Variants in ERI1 observed in about 807,000 individuals in gnomAD.
The protein encoded by ERI1 is exoribonuclease 1, also known as 3'-5' exoribonuclease 1.
In ERI1, 39 loss-of-function variants were observed where a neutral mutation model predicts 39.7. The ratio of observed to expected loss-of-function variants is 0.98; its 90% CI spans 0.76 to 1.28. The LOEUF (loss-of-function observed/expected upper bound fraction) is 1.28. Ranked by LOEUF, ERI1 falls within the 50% of genes most tolerant of loss-of-function variation. The probability of loss-of-function intolerance (pLI) is 0.00; values close to 1 mark genes in which losing one functional copy is unlikely to be tolerated. For missense variants in ERI1, 581 were observed against 416.9 expected, an observed-to-expected ratio of 1.39 and a Z score of -3.43; for synonymous variants, 204 against 149.6, an observed-to-expected ratio of 1.36 and a Z score of -2.65.
At chr8:9,040,051 A>G (rs1423773904) in intron 3 of ERI1, among the ~76,000 whole-genome samples, 1 of 152,122 alleles carries the variant, frequency 6.6e-6, no homozygotes, top group African/African-American at 2.4e-5. Context: ...CTTCCAGTCA[A>G]TGATTGTTCT....
rs189764152 is a variant in ERI1, at chr8:9,011,201, G to T, written c.288-341G>T. On this transcript the variant is annotated intron_variant, in intron 2 of 6. Coordinates refer to ENST00000250263, the MANE Select transcript of ERI1 (RefSeq NM_153332.4). ...TAATTTCAATGTTTGTATCATATAT[G>T]TTATCTTAGTATATAAGGCAGTATG... Among the ~76,000 whole-genome samples the T allele has an allele frequency of 2.4e-3, 360 of 152,202 alleles. 2 individuals are homozygous for T. The highest frequency in any genetic ancestry group is 5.0e-3 in the Admixed American group (76 of 15,282).
chr8:9,009,544 A>C (rs182109343), intron 2 of ERI1, among the ~76,000 whole-genome samples: 1 of 152,130 alleles, frequency 6.6e-6, no homozygotes, highest in South Asian at 2.1e-4. Flanking sequence ...CATGCCTTTT[A>C]TTTTTTATTT....
chr8:9,018,070 G>A lies in ERI1; in HGVS notation c.583-227G>A, dbSNP rs139372410. Among the ~76,000 whole-genome samples the A allele has an allele frequency of 3.6e-4, 55 of 152,272 alleles. 1 individual carries two copies. Among genetic ancestry groups the A allele is most frequent in the Middle Eastern group, 6.8e-3 (2 of 294 alleles). ...GGGGATGATCTTAAATCTTAATTTT[G>A]GGAGGATTATACTTTTCAGTTGAAA... On this transcript the variant is annotated intron_variant, in intron 4 of 6. Transcript: ENST00000250263.
intron 3 of ERI1, among the ~76,000 whole-genome samples, chr8:9,090,179 C>T (rs114043582): frequency 0.011 from 1,601 of 152,214 alleles, 29 homozygotes; most frequent in African/African-American, 0.037. Context: ...AGGACACTTG[C>T]TTGACCCAAT....
chr8:9,010,587 A>G lies in ERI1; in HGVS notation c.288-955A>G, dbSNP rs534750113. On this transcript the variant is annotated intron_variant, in intron 2 of 6. Coordinates refer to ENST00000250263, the MANE Select transcript of ERI1 (RefSeq NM_153332.4). ...CTAAAAAGGTTTTTTTTAAATAGTC[A>G]TTAATCAGTTAACATGATACTTTAC... Among the ~76,000 whole-genome samples, 86 of 152,038 alleles carry G rather than the reference A, an allele frequency of 5.7e-4. 1 individual carries two copies. The highest frequency in any genetic ancestry group is 2.0e-3 in the African/African-American group (83 of 41,322).
intron 3 of ERI1, among the ~76,000 whole-genome samples, chr8:9,087,240 A>G (rs867661847): frequency 1.0e-4 from 15 of 150,128 alleles, no homozygotes; most frequent in Middle Eastern, 6.9e-3. Context: ...TTTTTAAATT[A>G]TATTTATTAT....
intron 3 of ERI1, among the ~76,000 whole-genome samples, chr8:9,040,744 TGTTA>T (rs775837620): frequency 8.6e-5 from 13 of 151,210 alleles, no homozygotes; most frequent in South Asian, 4.2e-4. Flanking sequence ...GGGGGGTGTG[TGTTA>T]GTTCACATTT....
At chr8:9,077,932 C>T (rs1799258298) in intron 3 of ERI1, among the ~76,000 whole-genome samples, 1 of 152,242 alleles carries the variant, frequency 6.6e-6, no homozygotes, top group South Asian at 2.1e-4. Context: ...TGCTTTCTTC[C>T]TGTGTTCCCA....
intron 3 of ERI1, among the ~76,000 whole-genome samples, chr8:9,046,149 G>A (rs1441094147): frequency 6.6e-6 from 1 of 152,232 alleles, no homozygotes; most frequent in Non-Finnish European, 1.5e-5. Context: ...GAGGACCGCT[G>A]CTGGGCCATC....
At chr8:9,086,322 G>A (rs1799524600) in intron 3 of ERI1, among the ~76,000 whole-genome samples, 1 of 152,154 alleles carries the variant, frequency 6.6e-6, no homozygotes, top group African/African-American at 2.4e-5. Context: ...GACTGAGGTG[G>A]GAGGATAACT....
At chr8:9,073,044 AT>A (rs1241183707) in intron 3 of ERI1, among the ~76,000 whole-genome samples, 1 of 151,976 alleles carries the variant, frequency 6.6e-6, no homozygotes, top group African/African-American at 2.4e-5. Context: ...GGCCTTCAGG[AT>A]TTTTTTATTT....
chr8:9,018,234 A>G, intron 4 of ERI1, 63 bp from the exon 5 acceptor site: 6 of 863,098 alleles, frequency 7.0e-6, no homozygotes, highest in Non-Finnish European at 7.4e-6. Flanking sequence ...AGGTCTGGGT[A>G]TTTTGTAGGT....
At chr8:9,013,324 TAAAA>T (rs34377572) in intron 3 of ERI1, among the ~76,000 whole-genome samples, 3 of 137,470 alleles carry the variant, frequency 2.2e-5, no homozygotes, top group Non-Finnish European at 3.1e-5. Flanking sequence ...CATTCTCACT[TAAAA>T]AAAAAAAAAA....
At chr8:9,003,225 C>T in intron 1 of ERI1, 54 bp downstream of exon 1, 4 of 1,108,720 alleles carry the variant, frequency 3.6e-6, no homozygotes, top group Non-Finnish European at 4.6e-6. Context: ...GTCCCCAAAG[C>T]GCCCTCGGCA....
At chr8:9,022,247 GC>G (rs1417976326) in intron 6 of ERI1, among the ~76,000 whole-genome samples, 1 of 151,870 alleles carries the variant, frequency 6.6e-6, no homozygotes, top group Non-Finnish European at 1.5e-5. Flanking sequence ...TTGCTTTTTT[GC>G]GAACCCCTTA....
chr8:9,092,463 G>A (rs1327818851), intron 3 of ERI1, among the ~76,000 whole-genome samples: 1 of 152,180 alleles, frequency 6.6e-6, no homozygotes, highest in Non-Finnish European at 1.5e-5. Context: ...CCACAAACTG[G>A]TTCATTGGTT....
intron 6 of ERI1, among the ~76,000 whole-genome samples, chr8:9,026,444 A>G (rs1346788287): frequency 1.3e-5 from 2 of 152,024 alleles, no homozygotes; most frequent in Non-Finnish European, 2.9e-5. Flanking sequence ...TATCAGTTTG[A>G]CTTATCTATA....
At chr8:9,003,318 G>C in intron 1 of ERI1, 147 bp downstream of exon 1, 1 of 450,764 alleles carries the variant, frequency 2.2e-6, no homozygotes, top group Non-Finnish European at 3.6e-6. Flanking sequence ...CAGCTCCCTG[G>C]CTTTATCCTC....
chr8:9,098,665 C>T (rs972341532), intron 3 of ERI1, among the ~76,000 whole-genome samples: 1 of 151,904 alleles, frequency 6.6e-6, no homozygotes, highest in Non-Finnish European at 1.5e-5. Context: ...CAGAAGTCAC[C>T]ACAAAAGACC....
Sources: gnomAD v4.1 joint callset for allele counts (sites outside exome capture counted in the v4.1 genomes callset) on GRCh38, gnomAD v4.1.1 for gene constraint, MANE v1.5 for transcripts, NCBI Gene and HGNC (gene_info 2026-07-23, HGNC 2026-07-21) for gene names.